Variants in ZC3H8 observed in about 807,000 individuals in gnomAD.
The protein encoded by ZC3H8 is zinc finger CCCH-type containing 8, also known as zinc finger CCCH domain-containing protein 8.
Under a neutral mutation model 42.5 loss-of-function variants are expected in ZC3H8, and 27 were observed. The observed-to-expected ratio is 0.64, with a 90% CI of 0.47 to 0.88. The LOEUF (loss-of-function observed/expected upper bound fraction) is 0.88, where lower values mean the gene tolerates loss of function less well. Ranked by LOEUF, ZC3H8 falls within the 40% of genes least tolerant of loss-of-function variation. The probability of loss-of-function intolerance (pLI) is 0.00; values close to 1 mark genes in which losing one functional copy is unlikely to be tolerated. For missense variants in ZC3H8, 277 were observed against 336.1 expected, an observed-to-expected ratio of 0.82 and a Z score of 1.37; for synonymous variants, 101 against 110.1, an observed-to-expected ratio of 0.92 and a Z score of 0.52.
intron 8 of ZC3H8, among the ~76,000 whole-genome samples, chr2:112,230,408 A>G (rs1215843032): frequency 6.6e-6 from 1 of 152,222 alleles, no homozygotes; most frequent in Non-Finnish European, 1.5e-5. Flanking sequence ...GATATTTACA[A>G]GAGTTAGTAT....
intron 2 of ZC3H8, among the ~76,000 whole-genome samples, chr2:112,248,688 C>T (rs1259286256): frequency 2.6e-5 from 4 of 152,050 alleles, no homozygotes; most frequent in African/African-American, 9.7e-5. Flanking sequence ...TGGCGTTTCT[C>T]CATGTTCAAA....
intron 8 of ZC3H8, among the ~76,000 whole-genome samples, chr2:112,225,721 G>A (rs150203800): frequency 6.6e-6 from 1 of 152,246 alleles, no homozygotes; most frequent in Non-Finnish European, 1.5e-5. Context: ...GGAGGCTGAG[G>A]CAGGAATATC....
rs1166711844 is a variant in ZC3H8 at position 112,213,775 on chromosome 2, CAAAAAAAAAAAAAAAAAAAA to C, written c.*2689_*2708del. The C allele has an allele frequency of 6.6e-4, 16 of 24,078 alleles. No individual in the cohort carries two copies. The highest frequency in any genetic ancestry group is 8.4e-4 in the Non-Finnish European group (13 of 15,390). The allele number at this position is 24,078 out of a possible 1,614,324, so 1.5% of individuals were successfully genotyped here. A position where few individuals can be genotyped will look rare whatever the true frequency, so the allele number is the denominator to read the frequency against. On this transcript the variant is annotated 3_prime_UTR_variant, in exon 9 of 9. Coordinates refer to ENST00000409573, the MANE Select transcript of ZC3H8 (RefSeq NM_032494.3). The stretch of plus-strand genomic sequence containing the variant: ...TGGGCGACAGAGCGAGACTCCGTCT[CAAAAAAAAAAAAAAAAAAAA>C]AAAAAAAAAAAAAAAATTTAGTTCT...
intron 4 of ZC3H8, among the ~76,000 whole-genome samples, chr2:112,235,289 G>A (rs898257822): frequency 6.6e-6 from 1 of 152,114 alleles, no homozygotes; most frequent in Admixed American, 6.5e-5. Context: ...TTTAAATCTT[G>A]TTTTATTTGG....
chr2:112,225,597 A>C (rs923336552), intron 8 of ZC3H8, among the ~76,000 whole-genome samples: 5 of 152,238 alleles, frequency 3.3e-5, no homozygotes, highest in African/African-American at 4.8e-5. Context: ...CGGGCAGATC[A>C]CTTGAGGTCA....
intron 8 of ZC3H8, among the ~76,000 whole-genome samples, chr2:112,221,937 C>T (rs1684606914): frequency 6.6e-6 from 1 of 152,190 alleles, no homozygotes; most frequent in Admixed American, 6.5e-5. Context: ...AGAAGGCACT[C>T]TGGCTTTTTG....
intron 8 of ZC3H8, among the ~76,000 whole-genome samples, chr2:112,225,754 T>C (rs539382555): frequency 6.6e-6 from 1 of 152,092 alleles, no homozygotes; most frequent in East Asian, 1.9e-4. Context: ...GAGACGGAAG[T>C]TGCAGTGAGC....
At chr2:112,238,603 G>A (rs570269544) in intron 2 of ZC3H8, 75 bp from the exon 3 acceptor site, 5 of 1,276,298 alleles carry the variant, frequency 3.9e-6, no homozygotes, top group Non-Finnish European at 5.4e-6. Context: ...GAAGAAACAA[G>A]ATTGGCTATA....
chr2:112,247,719 T>G (rs1248046653), intron 2 of ZC3H8, among the ~76,000 whole-genome samples: 1 of 152,230 alleles, frequency 6.6e-6, no homozygotes, highest in African/African-American at 2.4e-5. Context: ...CTCACAGTAC[T>G]GTTTTGCAGA....
intron 3 of ZC3H8, 101 bp downstream of exon 3, chr2:112,238,194 TTCATGAAAACCATAGTCTTA>T: frequency 1.9e-6 from 2 of 1,027,782 alleles, no homozygotes; most frequent in South Asian, 3.3e-5. Flanking sequence ...GGTATAAATA[TTCATGAAAACCATAGTCTTA>T]TCATAAGATA....
intron 1 of ZC3H8, among the ~76,000 whole-genome samples, chr2:112,253,477 C>G: frequency 6.6e-6 from 1 of 152,202 alleles, no homozygotes; most frequent in East Asian, 1.9e-4. Context: ...CACAACATCC[C>G]CATTCCTTTT....
intron 2 of ZC3H8, among the ~76,000 whole-genome samples, chr2:112,242,717 A>G (rs1685626868): frequency 6.6e-6 from 1 of 152,252 alleles, no homozygotes; most frequent in Admixed American, 6.5e-5. Flanking sequence ...AGTATTAAGC[A>G]TTCACCACAA....
chr2:112,243,376 C>A (rs774551221), intron 2 of ZC3H8, among the ~76,000 whole-genome samples: 4 of 152,184 alleles, frequency 2.6e-5, no homozygotes, highest in Non-Finnish European at 5.9e-5. Flanking sequence ...CCATAAATGT[C>A]TTCCAGGCAA....
At chr2:112,254,670 C>G (rs1686064421) in intron 1 of ZC3H8, among the ~76,000 whole-genome samples, 1 of 152,242 alleles carries the variant, frequency 6.6e-6, no homozygotes, top group Non-Finnish European at 1.5e-5. Context: ...CGCCCAGGCT[C>G]TCGACAGCCC....
At chr2:112,223,660 C>T (rs2104645304) in intron 8 of ZC3H8, among the ~76,000 whole-genome samples, 1 of 152,184 alleles carries the variant, frequency 6.6e-6, no homozygotes, top group South Asian at 2.1e-4. Flanking sequence ...TGCTAACAAT[C>T]AATCTTTGGG....
chr2:112,217,519 C>T (rs1573877273), intron 8 of ZC3H8, among the ~76,000 whole-genome samples: 1 of 152,014 alleles, frequency 6.6e-6, no homozygotes, highest in African/African-American at 2.4e-5. Flanking sequence ...TGGATGGGTG[C>T]TTTATGCATG....
intron 8 of ZC3H8, among the ~76,000 whole-genome samples, chr2:112,222,163 C>T (rs2104643706): frequency 6.6e-6 from 1 of 152,224 alleles, no homozygotes; most frequent in East Asian, 1.9e-4. Context: ...TCTCTGTGCC[C>T]ATGTTTCTTT....
chr2:112,227,780 T>C (rs988828989), intron 8 of ZC3H8, among the ~76,000 whole-genome samples: 3 of 152,100 alleles, frequency 2.0e-5, no homozygotes, highest in African/African-American at 7.2e-5. Flanking sequence ...CACTGTACAC[T>C]TGTACAGTGA....
rs567564656 is a variant in ZC3H8 at position 112,227,936 on chromosome 2, G to A, written c.*15+2967C>T. On this transcript the variant is annotated intron_variant, in intron 8 of 8. Transcript: ENST00000409573. ...CATGGGTTTTTTGCAGAATGTACAA[G>A]CTGATCTTAAAACTTATATGGAAAA... Among the ~76,000 whole-genome samples, 3 of 151,838 alleles carry A rather than the reference G, an allele frequency of 2.0e-5. No homozygotes were observed. The East Asian group carries it at 5.8e-4, about 29-fold the overall frequency.
Sources: gnomAD v4.1 joint callset for allele counts (sites outside exome capture counted in the v4.1 genomes callset) on GRCh38, gnomAD v4.1.1 for gene constraint, MANE v1.5 for transcripts, NCBI Gene and HGNC (gene_info 2026-07-23, HGNC 2026-07-21) for gene names.